NELL2: variants seen among roughly 807,000 people sequenced by gnomAD.
NELL2 encodes the protein protein kinase C-binding protein NELL2.
Under a neutral mutation model 109.6 loss-of-function variants are expected in NELL2, and 41 were observed. The ratio of observed to expected loss-of-function variants is 0.37; its 90% CI spans 0.29 to 0.49. The LOEUF is 0.49. NELL2 is among the 20% of genes least tolerant of loss of function. The pLI is 0.98. For synonymous variants in NELL2, 355 were observed against 344.7 expected, an observed-to-expected ratio of 1.03 and a Z score of -0.33; for missense variants, 900 against 1,008.3, an observed-to-expected ratio of 0.89 and a Z score of 1.45.
intron 2 of NELL2, among the ~76,000 whole-genome samples, chr12:44,837,583 G>A (rs1259171739): frequency 6.6e-6 from 1 of 152,168 alleles, no homozygotes; most frequent in African/African-American, 2.4e-5. Context: ...TATGAGCCAG[G>A]CACAATGCTG....
intron 15 of NELL2, among the ~76,000 whole-genome samples, chr12:44,585,850 A>G (rs1944474536): frequency 6.6e-6 from 1 of 152,068 alleles, no homozygotes; most frequent in Non-Finnish European, 1.5e-5. Flanking sequence ...ATCACTCTAC[A>G]ATGCACAGAC....
At chr12:44,731,135 GACAA>G in intron 9 of NELL2, among the ~76,000 whole-genome samples, 1 of 152,052 alleles carries the variant, frequency 6.6e-6, no homozygotes, top group Non-Finnish European at 1.5e-5. Context: ...AAAAGCCCAG[GACAA>G]GATGACTTCA....
At chr12:44,878,702 C>T (rs1488129585), upstream of NELL2, among the ~76,000 whole-genome samples, 3 of 145,104 alleles carry the variant, frequency 2.1e-5, no homozygotes, top group East Asian at 4.2e-4. Context: ...CACTTCAGTT[C>T]GAATACAGAA....
chr12:44,738,264 T>G (rs1195404525), intron 9 of NELL2, among the ~76,000 whole-genome samples: 1 of 152,092 alleles, frequency 6.6e-6, no homozygotes, highest in Non-Finnish European at 1.5e-5. Flanking sequence ...TGAATAAAAG[T>G]GTCATCAGAA....
At chr12:44,607,310 G>GTTTA (rs767046363) in intron 14 of NELL2, 46 bp from the exon 15 acceptor site, 110 of 1,506,984 alleles carry the variant, frequency 7.3e-5, no homozygotes, top group Non-Finnish European at 9.5e-5. Flanking sequence ...GAAGTAAGTA[G>GTTTA]TTTAATAAAC....
intron 9 of NELL2, among the ~76,000 whole-genome samples, chr12:44,742,145 G>A (rs550441937): frequency 7.8e-4 from 118 of 152,106 alleles, no homozygotes; most frequent in African/African-American, 2.0e-3. Context: ...CAGCATTTGC[G>A]GTTCACCAAT....
intron 1 of NELL2, among the ~76,000 whole-genome samples, chr12:44,910,717 T>C (rs1945769639): frequency 6.6e-6 from 1 of 152,038 alleles, no homozygotes; most frequent in Non-Finnish European, 1.5e-5. Flanking sequence ...TAGGTGCCCA[T>C]CAATGATGGA....
At chr12:44,803,067 T>A (rs1408290878) in intron 3 of NELL2, among the ~76,000 whole-genome samples, 1 of 152,040 alleles carries the variant, frequency 6.6e-6, no homozygotes, top group African/African-American at 2.4e-5. Flanking sequence ...TGCCTCCAGA[T>A]GTGGTATACT....
chr12:44,685,513 T>A (rs1021659210), intron 12 of NELL2, among the ~76,000 whole-genome samples: 1 of 152,196 alleles, frequency 6.6e-6, no homozygotes, highest in Non-Finnish European at 1.5e-5. Context: ...CTAGTCTCGA[T>A]GGTCTTTACA....
At chr12:44,803,936 TAGTTTAAGTGTGTAGTTAAA>T (rs1942917296) in intron 3 of NELL2, among the ~76,000 whole-genome samples, 1 of 151,992 alleles carries the variant, frequency 6.6e-6, no homozygotes, top group African/African-American at 2.4e-5. Flanking sequence ...AAAATGTGCA[TAGTTTAAGTGTGTAGTTAAA>T]AGTTTAAGTG....
chr12:44,595,466 G>A (rs1341466187), intron 15 of NELL2, among the ~76,000 whole-genome samples: 3 of 152,034 alleles, frequency 2.0e-5, no homozygotes, highest in East Asian at 1.9e-4. Context: ...TCGCTCTGTC[G>A]CCCAGGCTGG....
chr12:44,553,560 T>A (rs1279646207), intron 15 of NELL2, among the ~76,000 whole-genome samples: 6 of 152,044 alleles, frequency 3.9e-5, no homozygotes. Context: ...TTTAAAAAGG[T>A]CAAATATATA....
chr12:44,811,557 G>T (rs918819467), intron 3 of NELL2, among the ~76,000 whole-genome samples: 2 of 152,020 alleles, frequency 1.3e-5, no homozygotes, highest in Non-Finnish European at 2.9e-5. Context: ...ATGCCGAGCA[G>T]ATAGGTCACT....
chr12:44,759,616 G>A (rs2136545669), intron 9 of NELL2, among the ~76,000 whole-genome samples: 1 of 152,244 alleles, frequency 6.6e-6, no homozygotes, highest in Admixed American at 6.5e-5. Context: ...TTTCTAACCT[G>A]CCAAACTATT....
At chr12:44,863,708 C>G (rs1318210703) in intron 2 of NELL2, among the ~76,000 whole-genome samples, 1 of 152,148 alleles carries the variant, frequency 6.6e-6, no homozygotes, top group Non-Finnish European at 1.5e-5. Context: ...AACATGAAAA[C>G]ATCTGAAATA....
intron 13 of NELL2, among the ~76,000 whole-genome samples, chr12:44,644,515 T>G (rs776995649): frequency 5.4e-5 from 8 of 149,310 alleles, no homozygotes; most frequent in Non-Finnish European, 1.2e-4. Context: ...TGAAGAGCTA[T>G]TTGACTGTCA....
chr12:44,670,717 T>C (rs1948109750), intron 12 of NELL2, among the ~76,000 whole-genome samples: 1 of 151,984 alleles, frequency 6.6e-6, no homozygotes, highest in South Asian at 2.1e-4. Context: ...TAGGTCAATA[T>C]AGATGACAAA....
chr12:44,636,924 T>C (rs993579239), intron 13 of NELL2, among the ~76,000 whole-genome samples: 3 of 152,150 alleles, frequency 2.0e-5, no homozygotes, highest in African/African-American at 7.2e-5. Flanking sequence ...CTGCCTCAAT[T>C]TCAGACCTTG....
chr12:44,512,755 G>C (rs1224747050), intron 19 of NELL2, among the ~76,000 whole-genome samples: 1 of 152,024 alleles, frequency 6.6e-6, no homozygotes, highest in Admixed American at 6.6e-5. Context: ...TTATATGTTG[G>C]AGCTAAAAAA....
Sources: allele counts gnomAD v4.1 joint callset (sites outside exome capture counted in the v4.1 genomes callset), GRCh38; gene constraint gnomAD v4.1.1; transcripts MANE v1.5; gene names NCBI Gene and HGNC (gene_info 2026-07-23, HGNC 2026-07-21).